Variants in CDH13 observed in about 807,000 individuals in gnomAD.
The protein encoded by CDH13 is cadherin-13.
In CDH13, 24 loss-of-function variants were observed where a neutral mutation model predicts 63.8. The ratio of observed to expected loss-of-function variants is 0.38; its 90% CI spans 0.27 to 0.53. CDH13 has a LOEUF of 0.53. CDH13 is among the 20% of genes least tolerant of loss of function. The pLI is 0.85. For missense variants in CDH13, 1,049 were observed against 903.1 expected (o/e 1.16, Z -2.07); for synonymous variants, 503 against 355.3 (o/e 1.42, Z -4.67).
At chr16:82,857,792 TAG>T (rs898228903) in intron 1 of CDH13, among the ~76,000 whole-genome samples, 2 of 152,232 alleles carry the variant, frequency 1.3e-5, no homozygotes, top group African/African-American at 4.8e-5. Flanking sequence ...TTTCCTTATT[TAG>T]ACATTGAAAT....
chr16:83,196,503 A>G (rs2038883886), intron 4 of CDH13, among the ~76,000 whole-genome samples: 1 of 152,198 alleles, frequency 6.6e-6, no homozygotes, highest in South Asian at 2.1e-4. Flanking sequence ...AAGACAAGCT[A>G]TAGACTAGGA....
At chr16:83,653,642 C>T (rs1912597850) in intron 8 of CDH13, among the ~76,000 whole-genome samples, 1 of 152,052 alleles carries the variant, frequency 6.6e-6, no homozygotes. Flanking sequence ...GGAAACAGAA[C>T]CCAGGAGGTA....
At chr16:82,956,343 A>C (rs555093569) in intron 2 of CDH13, among the ~76,000 whole-genome samples, 102 of 151,010 alleles carry the variant, frequency 6.8e-4, no homozygotes, top group African/African-American at 2.3e-3. Flanking sequence ...TTTTATTCCT[A>C]ATTCTAGTCT....
chr16:83,730,930 C>G (rs1018136780), intron 10 of CDH13, among the ~76,000 whole-genome samples: 3 of 149,066 alleles, frequency 2.0e-5, no homozygotes, highest in African/African-American at 7.8e-5. Flanking sequence ...TTTTCTGTCC[C>G]TGTGCTAATT....
At chr16:82,936,373 G>C (rs561919345) in intron 2 of CDH13, among the ~76,000 whole-genome samples, 1 of 152,132 alleles carries the variant, frequency 6.6e-6, no homozygotes, top group Non-Finnish European at 1.5e-5. Flanking sequence ...ATTGTGAATT[G>C]TACATGCCAG....
intron 6 of CDH13, among the ~76,000 whole-genome samples, chr16:83,416,269 C>G (rs1011857679): frequency 3.3e-5 from 5 of 152,140 alleles, no homozygotes; most frequent in Admixed American, 3.3e-4. Context: ...AGATAGAGAT[C>G]TTGTATAGAT....
intron 2 of CDH13, among the ~76,000 whole-genome samples, chr16:82,885,390 T>C (rs927690556): frequency 3.3e-5 from 5 of 152,106 alleles, no homozygotes; most frequent in Admixed American, 2.6e-4. Context: ...ACCTATCCAT[T>C]CTTGTAGCTC....
rs1266199862 is a variant in CDH13, at chr16:83,798,430, T to G, written c.*3400T>G. 1 of 152,340 alleles carries G rather than the reference T, an allele frequency of 6.6e-6. No individual in the cohort carries two copies. The highest frequency in any genetic ancestry group is 2.4e-5 in the African/African-American group (1 of 41,584). 9.4% of individuals were successfully genotyped at this position (152,340 alleles called of 1,614,324 possible). A position where few individuals can be genotyped will look rare whatever the true frequency, so the allele number is the denominator to read the frequency against. Reference sequence around the variant, plus strand: ...GTTTATATTTATCAACTGCTTATTATGTGCCCACACTGTACAAAATCCTTA... The same window carrying G: ...GTTTATATTTATCAACTGCTTATTAGGTGCCCACACTGTACAAAATCCTTA... On this transcript the variant is annotated 3_prime_UTR_variant, in exon 14 of 14. Coordinates refer to ENST00000567109, the MANE Select transcript of CDH13 (RefSeq NM_001257.5).
intron 2 of CDH13, among the ~76,000 whole-genome samples, chr16:82,867,447 A>G (rs1052437415): frequency 5.3e-5 from 8 of 152,134 alleles, no homozygotes; most frequent in African/African-American, 1.9e-4. Flanking sequence ...AGCTTTTTCT[A>G]TTCTGGATGG....
chr16:83,032,630 A>G (rs1402849390), intron 3 of CDH13, among the ~76,000 whole-genome samples: 2 of 152,074 alleles, frequency 1.3e-5, no homozygotes, highest in Non-Finnish European at 2.9e-5. Context: ...CTGAGAAAGC[A>G]TCTCTTCAAG....
intron 2 of CDH13, among the ~76,000 whole-genome samples, chr16:82,895,997 G>C (rs906887445): frequency 6.6e-6 from 1 of 152,134 alleles, no homozygotes; most frequent in Admixed American, 6.5e-5. Context: ...AGTGCTTCCT[G>C]TCATTCAGTT....
At chr16:82,627,486 G>T (rs1907465234) in intron 1 of CDH13, among the ~76,000 whole-genome samples, 1 of 152,160 alleles carries the variant, frequency 6.6e-6, no homozygotes, top group African/African-American at 2.4e-5. Context: ...CTCCTCCGGA[G>T]GCTCGGTGCA....
At chr16:83,019,726 G>C (rs1915162862) in intron 2 of CDH13, among the ~76,000 whole-genome samples, 1 of 150,416 alleles carries the variant, frequency 6.6e-6, no homozygotes, top group Non-Finnish European at 1.5e-5. Context: ...AAACTCCTGG[G>C]CTCAAGCGAT....
intron 3 of CDH13, among the ~76,000 whole-genome samples, chr16:83,086,176 G>T (rs2033584657): frequency 6.6e-6 from 1 of 152,158 alleles, no homozygotes; most frequent in South Asian, 2.1e-4. Context: ...TTCACTACAT[G>T]TTTAAGGCAA....
At chr16:83,129,051 A>G (rs941341910) in intron 4 of CDH13, among the ~76,000 whole-genome samples, 4 of 152,038 alleles carry the variant, frequency 2.6e-5, no homozygotes, top group African/African-American at 7.2e-5. Context: ...GCTTGTTTCT[A>G]TTTATCTGTC....
intron 5 of CDH13, among the ~76,000 whole-genome samples, chr16:83,322,332 T>C (rs1313296614): frequency 6.6e-6 from 1 of 152,156 alleles, no homozygotes; most frequent in African/African-American, 2.4e-5. Flanking sequence ...TCAGTGGTTA[T>C]GGAGCAGCCA....
Position 83,622,361 on chromosome 16 carries a change from A to AT in CDH13, c.1101+19768dup, listed in dbSNP as rs201341733. Reference sequence around the variant, plus strand: ...AGCTTCTACACACTCTTCCGGCCCCATGGGATTCCGAAATGAGAGAAATCA... The same window carrying AT: ...AGCTTCTACACACTCTTCCGGCCCCATTGGGATTCCGAAATGAGAGAAATCA... On this transcript the variant is annotated intron_variant, in intron 8 of 13. Transcript: ENST00000567109. 4.9e-3 allele frequency among the ~76,000 whole-genome samples: 742 copies of AT among 152,318 alleles called. 3 individuals are homozygous for AT. The highest frequency in any genetic ancestry group is 0.014 in the Middle Eastern group (4 of 294).
At chr16:83,230,538 C>T (rs2151802245) in intron 5 of CDH13, among the ~76,000 whole-genome samples, 1 of 152,316 alleles carries the variant, frequency 6.6e-6, no homozygotes, top group South Asian at 2.1e-4. Flanking sequence ...GTAATCCCAG[C>T]ACTTTGGGAG....
chr16:82,639,206 A>G (rs1243886907), intron 1 of CDH13, among the ~76,000 whole-genome samples: 2 of 152,198 alleles, frequency 1.3e-5, no homozygotes, highest in African/African-American at 2.4e-5. Flanking sequence ...AAGTCAAGAT[A>G]GCTGCCTGGG....
Sources: allele counts gnomAD v4.1 joint callset (sites outside exome capture counted in the v4.1 genomes callset), GRCh38; gene constraint gnomAD v4.1.1; transcripts MANE v1.5; gene names NCBI Gene and HGNC (gene_info 2026-07-23, HGNC 2026-07-21).